DMD: variants seen among roughly 807,000 people sequenced by gnomAD.
The protein encoded by DMD is mutant dystrophin.
DMD carries 63 observed loss-of-function variants against 330.1 expected under a neutral mutation model. That is an observed-to-expected ratio of 0.19 (90% CI 0.16 to 0.24). DMD has a LOEUF of 0.24. DMD is among the 10% of genes least tolerant of loss of function. The pLI is 1.00. For synonymous variants in DMD, 1,223 were observed against 959.8 expected, an observed-to-expected ratio of 1.27 and a Z score of -5.07; for missense variants, 3,344 against 2,684.1, an observed-to-expected ratio of 1.25 and a Z score of -5.43.
intron 50 of DMD, among the ~76,000 whole-genome samples, chrX:31,795,191 C>T (rs1462848898): frequency 2.7e-5 from 3 of 111,690 alleles, no homozygotes; most frequent in Non-Finnish European, 5.6e-5. Context: ...CCTAAATCTT[C>T]GATTCTAAGC....
intron 43 of DMD, among the ~76,000 whole-genome samples, chrX:32,268,935 G>A (rs892503783): frequency 9.3e-6 from 1 of 107,394 alleles, no homozygotes; most frequent in African/African-American, 3.4e-5. Context: ...GGAATGTCAG[G>A]CAACCATCAA....
chrX:32,575,106 C>A (rs1024743827), intron 13 of DMD, among the ~76,000 whole-genome samples: 2 of 110,795 alleles, frequency 1.8e-5, no homozygotes, highest in African/African-American at 6.6e-5. Context: ...CCATCTTGGC[C>A]AGGCTGCTCT....
chrX:33,143,788 C>T (rs2047906903), intron 1 of DMD, among the ~76,000 whole-genome samples: 1 of 111,602 alleles, frequency 9.0e-6, no homozygotes, highest in Admixed American at 9.6e-5. Flanking sequence ...AGCGTTAACT[C>T]CTCCTAACTT....
chrX:33,330,483 TAAAG>T (rs1221237348), intron 1 of DMD, among the ~76,000 whole-genome samples: 1 of 111,792 alleles, frequency 8.9e-6, no homozygotes, highest in Non-Finnish European at 1.9e-5. Flanking sequence ...AGCTTCTAAT[TAAAG>T]AGTGTTAGAC....
intron 2 of DMD, among the ~76,000 whole-genome samples, chrX:32,960,661 A>C (rs956516804): frequency 2.7e-5 from 3 of 111,349 alleles, no homozygotes; most frequent in African/African-American, 9.8e-5. Context: ...ACCTCTACAC[A>C]AATCAAAGTT....
intron 43 of DMD, among the ~76,000 whole-genome samples, chrX:32,240,309 C>T (rs1445290393): frequency 1.8e-5 from 2 of 111,382 alleles, no homozygotes; most frequent in South Asian, 3.8e-4. Context: ...GGAAGTGGGG[C>T]CTTTGGAAGG....
intron 27 of DMD, among the ~76,000 whole-genome samples, chrX:32,444,269 C>A (rs753886812): frequency 1.8e-5 from 2 of 110,073 alleles, no homozygotes; most frequent in East Asian, 5.7e-4. Context: ...CCACCCATAA[C>A]AAACGGAAAC....
intron 43 of DMD, among the ~76,000 whole-genome samples, chrX:32,265,537 G>A (rs893476970): frequency 8.9e-6 from 1 of 111,775 alleles, no homozygotes; most frequent in Non-Finnish European, 1.9e-5. Flanking sequence ...TGAGAAGAGG[G>A]CTTGATCCAC....
At chrX:31,245,188 C>T (rs933972011) in intron 63 of DMD, among the ~76,000 whole-genome samples, 15 of 111,937 alleles carry the variant, frequency 1.3e-4, no homozygotes, top group African/African-American at 4.5e-4. Flanking sequence ...ATAAAATCTA[C>T]AACTTAACTG....
intron 44 of DMD, among the ~76,000 whole-genome samples, chrX:32,097,246 C>T (rs1298449473): frequency 9.0e-6 from 1 of 110,688 alleles, no homozygotes; most frequent in Non-Finnish European, 1.9e-5. Flanking sequence ...GCTCTCCCTC[C>T]CCTTGCCCCC....
chrX:32,328,198 G>A (rs1603630846), intron 41 of DMD, among the ~76,000 whole-genome samples: 1 of 111,581 alleles, frequency 9.0e-6, no homozygotes, highest in East Asian at 2.8e-4. Flanking sequence ...GACAGAAAAT[G>A]TAATACTTCT....
intron 4 of DMD, among the ~76,000 whole-genome samples, chrX:32,831,736 T>G (rs1189507223): frequency 9.3e-6 from 1 of 107,208 alleles, no homozygotes; most frequent in Non-Finnish European, 1.9e-5. Flanking sequence ...AAAAGACAGG[T>G]GACAAAGTTC....
intron 62 of DMD, among the ~76,000 whole-genome samples, chrX:31,315,124 T>C (rs748123000): frequency 8.9e-6 from 1 of 111,803 alleles, no homozygotes; most frequent in South Asian, 3.8e-4. Flanking sequence ...CCGGGAATGT[T>C]TGGGAATTCA....
intron 1 of DMD, among the ~76,000 whole-genome samples, chrX:33,286,838 G>A (rs1354779886): frequency 1.8e-5 from 2 of 112,214 alleles, no homozygotes; most frequent in South Asian, 7.3e-4. Flanking sequence ...GTTTCTCCCA[G>A]TAGAATATGA....
intron 44 of DMD, among the ~76,000 whole-genome samples, chrX:31,982,746 T>C (rs1315234177): frequency 9.1e-6 from 1 of 109,543 alleles, no homozygotes; most frequent in African/African-American, 3.3e-5. Flanking sequence ...TATTAATTAT[T>C]TAAATATGAT....
At chrX:32,852,425 CAG>C (rs919702791) in intron 2 of DMD, among the ~76,000 whole-genome samples, 8 of 110,919 alleles carry the variant, frequency 7.2e-5, no homozygotes, top group Non-Finnish European at 1.5e-4. Context: ...GGGTAAGACT[CAG>C]AGCCATGCTG....
intron 55 of DMD, among the ~76,000 whole-genome samples, chrX:31,544,359 C>T (rs1052290144): frequency 8.2e-5 from 9 of 109,223 alleles, no homozygotes; most frequent in Non-Finnish European, 1.9e-5. Flanking sequence ...AGTTACGCTA[C>T]TCCAAAATCC....
intron 1 of DMD, among the ~76,000 whole-genome samples, chrX:33,068,241 T>C (rs535763870): frequency 3.6e-5 from 4 of 111,950 alleles, no homozygotes; most frequent in African/African-American, 1.3e-4. Flanking sequence ...TAGGGGATTC[T>C]GCTGTATTCT....
intron 7 of DMD, among the ~76,000 whole-genome samples, chrX:32,767,438 G>T (rs1022979247): frequency 4.5e-5 from 5 of 111,497 alleles, no homozygotes; most frequent in African/African-American, 1.6e-4. Context: ...CATTTGTTAA[G>T]ACTGTAAGTT....
Sources: allele counts gnomAD v4.1 joint callset (sites outside exome capture counted in the v4.1 genomes callset), GRCh38; gene constraint gnomAD v4.1.1; transcripts MANE v1.5; gene names NCBI Gene and HGNC (gene_info 2026-07-23, HGNC 2026-07-21).